Variants in BMAL2 observed in about 807,000 individuals in gnomAD.
The protein encoded by BMAL2 is basic helix-loop-helix ARNT like 2.
chr12:27,414,350 A>G, the BMAL2 span, among the ~76,000 whole-genome samples: 1 of 152,174 alleles, frequency 6.6e-6, no homozygotes, highest in Non-Finnish European at 1.5e-5. Context: ...AGCAGAATAC[A>G]CGTTCTTTTC....
At chr12:27,418,053 A>G in the BMAL2 span, 1 of 1,353,636 alleles carries the variant, frequency 7.4e-7, no homozygotes, top group Non-Finnish European at 1.1e-6. Flanking sequence ...TTCTAGTAGG[A>G]ACCTCACTGT....
chr12:27,361,022 T>C, the BMAL2 span, among the ~76,000 whole-genome samples: 1 of 152,112 alleles, frequency 6.6e-6, no homozygotes, highest in South Asian at 2.1e-4. Context: ...AGCACACTAT[T>C]GGCTACGAAA....
At chr12:27,399,290 C>T in the BMAL2 span, among the ~76,000 whole-genome samples, 1 of 152,200 alleles carries the variant, frequency 6.6e-6, no homozygotes, top group African/African-American at 2.4e-5. Context: ...CACCTTTGTG[C>T]CCCTCCCCTT....
At chr12:27,376,215 GAGCATTTAC>G in the BMAL2 span, 1 of 746,356 alleles carries the variant, frequency 1.3e-6, no homozygotes, top group Non-Finnish European at 2.2e-6. Context: ...GTGCTCAAGG[GAGCATTTAC>G]AGCTAAGGAT....
At chr12:27,360,818 A>AAAAAAAAAAAAAAAAAAAAAAAAAAC in the BMAL2 span, among the ~76,000 whole-genome samples, 1 of 149,752 alleles carries the variant, frequency 6.7e-6, no homozygotes, top group Non-Finnish European at 1.5e-5. Context: ...AAAAAAAAAA[A>AAAAAAAAAAAAAAAAAAAAAAAAAAC]AAAAAAACAG....
chr12:27,377,815 A>G, the BMAL2 span, among the ~76,000 whole-genome samples: 2 of 152,200 alleles, frequency 1.3e-5, no homozygotes, highest in Admixed American at 1.3e-4. Context: ...TTTTATGTGA[A>G]TACAATTTAA....
chr12:27,386,568 A>G, the BMAL2 span, among the ~76,000 whole-genome samples: 1 of 152,206 alleles, frequency 6.6e-6, no homozygotes, highest in African/African-American at 2.4e-5. Context: ...TTCTACCTCA[A>G]CACATCCACA....
At chr12:27,398,327 C>T in the BMAL2 span, among the ~76,000 whole-genome samples, 1 of 152,132 alleles carries the variant, frequency 6.6e-6, no homozygotes, top group Non-Finnish European at 1.5e-5. Context: ...CTCCTCACCC[C>T]CACACACATT....
At chr12:27,337,296 TG>T in the BMAL2 span, among the ~76,000 whole-genome samples, 1 of 152,234 alleles carries the variant, frequency 6.6e-6, no homozygotes, top group South Asian at 2.1e-4. Flanking sequence ...ACATTCAAAG[TG>T]TTTTACTTAC....
the BMAL2 span, among the ~76,000 whole-genome samples, chr12:27,399,126 G>T: frequency 6.6e-6 from 1 of 152,178 alleles, no homozygotes; most frequent in South Asian, 2.1e-4. Context: ...AGGGAGTGGT[G>T]TTTGTGAAAT....
At chr12:27,425,172 GT>G in the BMAL2 span, 1 of 151,534 alleles carries the variant, frequency 6.6e-6, no homozygotes. Flanking sequence ...ACTTGTGCTC[GT>G]CTGTATATTG....
At chr12:27,353,792 A>G in the BMAL2 span, among the ~76,000 whole-genome samples, 3 of 152,354 alleles carry the variant, frequency 2.0e-5, no homozygotes, top group Admixed American at 2.0e-4. Flanking sequence ...AAGAAGACAT[A>G]CATGCAGCCA....
the BMAL2 span, among the ~76,000 whole-genome samples, chr12:27,410,137 A>C: frequency 8.6e-5 from 13 of 151,742 alleles, no homozygotes; most frequent in Non-Finnish European, 1.5e-4. Context: ...ACACTTTTAC[A>C]CTGTTGGTGG....
At chr12:27,419,197 C>T in the BMAL2 span, among the ~76,000 whole-genome samples, 1 of 152,060 alleles carries the variant, frequency 6.6e-6, no homozygotes, top group South Asian at 2.1e-4. Context: ...TATGCAAAGT[C>T]CAGATCAAGT....
chr12:27,405,738 G>C, the BMAL2 span, among the ~76,000 whole-genome samples: 1 of 152,216 alleles, frequency 6.6e-6, no homozygotes, highest in African/African-American at 2.4e-5. Flanking sequence ...ATGGAACAAA[G>C]CTGGACAGAG....
At chr12:27,402,053 T>C in the BMAL2 span, among the ~76,000 whole-genome samples, 2 of 152,110 alleles carry the variant, frequency 1.3e-5, no homozygotes. Flanking sequence ...AAGCCTGGGG[T>C]GCCGCCATGT....
chr12:27,386,428 TG>T, the BMAL2 span, among the ~76,000 whole-genome samples: 2 of 152,202 alleles, frequency 1.3e-5, no homozygotes, highest in African/African-American at 4.8e-5. Flanking sequence ...TGGGATTTGC[TG>T]GGTAGACCTT....
the BMAL2 span, among the ~76,000 whole-genome samples, chr12:27,414,147 A>G: frequency 1.3e-5 from 2 of 152,214 alleles, no homozygotes; most frequent in African/African-American, 4.8e-5. Context: ...AATTGAAAAT[A>G]TATATGCACT....
At chr12:27,419,337 G>A in the BMAL2 span, among the ~76,000 whole-genome samples, 6 of 152,218 alleles carry the variant, frequency 3.9e-5, no homozygotes, top group Admixed American at 6.5e-5. Flanking sequence ...AGAGTATAGT[G>A]CAGGCATCTT....
Sources: gnomAD v4.1 joint callset for allele counts (sites outside exome capture counted in the v4.1 genomes callset) on GRCh38, gnomAD v4.1.1 for gene constraint, MANE v1.5 for transcripts, NCBI Gene and HGNC (gene_info 2026-07-23, HGNC 2026-07-21) for gene names.